Variants in MTMR12 observed in about 807,000 individuals in gnomAD.
MTMR12 encodes myotubularin-related protein 12.
Under a neutral mutation model 96.7 loss-of-function variants are expected in MTMR12, and 33 were observed. The ratio of observed to expected loss-of-function variants is 0.34; its 90% CI spans 0.26 to 0.46. MTMR12 has a LOEUF of 0.46. MTMR12 is among the 20% of genes least tolerant of loss of function. The pLI is 1.00. For missense variants in MTMR12, 721 were observed against 896.1 expected, an observed-to-expected ratio of 0.80 and a Z score of 2.49; for synonymous variants, 298 against 327.2, an observed-to-expected ratio of 0.91 and a Z score of 0.96.
intron 12 of MTMR12, among the ~76,000 whole-genome samples, chr5:32,240,398 CAAAA>C (rs72026064): frequency 6.0e-5 from 6 of 100,056 alleles, no homozygotes; most frequent in Admixed American, 2.1e-4. Flanking sequence ...GACTCCGTCT[CAAAA>C]AAAAAAAAAA....
chr5:32,238,895 C>A, intron 13 of MTMR12, 106 bp downstream of exon 13: 1 of 1,274,898 alleles, frequency 7.8e-7, no homozygotes, highest in Non-Finnish European at 1.0e-6. Context: ...ACCTGTTTGG[C>A]TTACACTTTG....
chr5:32,289,538 G>C (rs886567579), intron 1 of MTMR12, among the ~76,000 whole-genome samples: 4 of 152,300 alleles, frequency 2.6e-5, no homozygotes, highest in Middle Eastern at 3.4e-3. Flanking sequence ...CAGACATTTG[G>C]ACTAATGGAC....
At chr5:32,311,297 AC>A (rs924065738) in intron 1 of MTMR12, among the ~76,000 whole-genome samples, 1 of 152,240 alleles carries the variant, frequency 6.6e-6, no homozygotes, top group African/African-American at 2.4e-5. Context: ...GCCCGCTGAA[AC>A]TTTAAGATGA....
chr5:32,232,595 G>A (rs1748040921), intron 15 of MTMR12, among the ~76,000 whole-genome samples: 1 of 152,220 alleles, frequency 6.6e-6, no homozygotes, highest in East Asian at 1.9e-4. Flanking sequence ...TTTCTCTGGT[G>A]CCAATCCAGC....
In MTMR12 at chr5:32,300,016, G is replaced by A. The variant is rs76015094; in HGVS notation, c.81+12742C>T. ...TTGCTCTGTGCCCCCAGAGCACTTGGGCATGCCTCCCTCATAAGTAGGCAG... is the reference window on the plus strand; with the variant it reads ...TTGCTCTGTGCCCCCAGAGCACTTGAGCATGCCTCCCTCATAAGTAGGCAG... On this transcript the variant is annotated intron_variant, in intron 1 of 15. Transcript: ENST00000382142. Among the ~76,000 whole-genome samples, 8 of 152,250 alleles carry A rather than the reference G, an allele frequency of 5.3e-5. No homozygotes were observed. The East Asian group carries it at 1.5e-3, about 29-fold the overall frequency.
chr5:32,275,896 T>C (rs530292786), intron 2 of MTMR12, among the ~76,000 whole-genome samples: 6 of 152,140 alleles, frequency 3.9e-5, no homozygotes, highest in Non-Finnish European at 8.8e-5. Context: ...AGTCAGAAAC[T>C]TGCACAGATT....
chr5:32,271,217 A>G (rs988242506), intron 4 of MTMR12, among the ~76,000 whole-genome samples: 9 of 152,186 alleles, frequency 5.9e-5, no homozygotes, highest in African/African-American at 2.2e-4. Context: ...CAGTGGCCCA[A>G]AGAAAACCCA....
intron 15 of MTMR12, among the ~76,000 whole-genome samples, chr5:32,231,981 G>C (rs1161522038): frequency 1.3e-5 from 2 of 152,238 alleles, no homozygotes; most frequent in Non-Finnish European, 2.9e-5. Context: ...CAGTGCCAAA[G>C]GTGGTTCAAA....
chr5:32,279,604 A>G (rs1425180964), intron 1 of MTMR12, among the ~76,000 whole-genome samples: 1 of 152,220 alleles, frequency 6.6e-6, no homozygotes, highest in Admixed American at 6.5e-5. Context: ...AACAAATAAG[A>G]AAAATTCCGT....
chr5:32,280,316 T>C (rs1368552080), intron 1 of MTMR12, among the ~76,000 whole-genome samples: 1 of 152,192 alleles, frequency 6.6e-6, no homozygotes, highest in African/African-American at 2.4e-5. Context: ...TCAGATTAAT[T>C]TTATCCAGCC....
intron 1 of MTMR12, among the ~76,000 whole-genome samples, chr5:32,308,055 G>A (rs774281476): frequency 6.6e-6 from 1 of 152,240 alleles, no homozygotes; most frequent in Non-Finnish European, 1.5e-5. Flanking sequence ...TGGGTGGGGT[G>A]GCTCACGCCT....
At chr5:32,296,854 G>A (rs1156817768) in intron 1 of MTMR12, among the ~76,000 whole-genome samples, 5 of 149,788 alleles carry the variant, frequency 3.3e-5, no homozygotes, top group Non-Finnish European at 5.9e-5. Flanking sequence ...TGTAATCCCA[G>A]CACTTTGGGA....
chr5:32,255,612 CCAAGGGCTTT>C, intron 8 of MTMR12, 71 bp downstream of exon 8: 1 of 1,310,136 alleles, frequency 7.6e-7, no homozygotes, highest in Non-Finnish European at 1.0e-6. Flanking sequence ...AGAACAAAAG[CCAAGGGCTTT>C]CAGTAGGATC....
At chr5:32,240,856 C>A (rs1748439967) in intron 12 of MTMR12, among the ~76,000 whole-genome samples, 1 of 152,182 alleles carries the variant, frequency 6.6e-6, no homozygotes, top group African/African-American at 2.4e-5. Context: ...CTGCCTTGGC[C>A]TCCCAAAATT....
At position 32,243,633 on chromosome 5, in the gene MTMR12, C is replaced by A; in HGVS notation, c.1022-34G>T. On this transcript the variant is annotated intron_variant, in intron 10 of 15. Transcript: ENST00000382142. The stretch of plus-strand genomic sequence containing the variant: ...AGAAAAAGGAGTAAAGACGTCAGGT[C>A]ATTGTTCACTGACATACTTGCCACA... The A allele has an allele frequency of 2.2e-6, 3 of 1,374,146 alleles. No individual in the cohort carries two copies. In the South Asian group the frequency reaches 3.5e-5, roughly 16 times the overall value. The allele number at this position is 1,374,146 out of a possible 1,614,324, so 85.1% of individuals were successfully genotyped here.
Position 32,256,632 on chromosome 5 carries a change from A to G in MTMR12, c.714-864T>C, listed in dbSNP as rs567158429. Among the ~76,000 whole-genome samples the G allele has an allele frequency of 3.9e-5, 6 of 152,372 alleles. No homozygotes were observed. The East Asian group carries it at 7.7e-4, about 20-fold the overall frequency. ...CCTAAGTTTCTATCACTGTGAAGCTATAAGAATCTGTAAGCATCTTTCCCT... is the reference window on the plus strand; with the variant it reads ...CCTAAGTTTCTATCACTGTGAAGCTGTAAGAATCTGTAAGCATCTTTCCCT... On this transcript the variant is annotated intron_variant, in intron 7 of 15. Coordinates refer to ENST00000382142, the MANE Select transcript of MTMR12 (RefSeq NM_001040446.3).
At chr5:32,307,353 C>T (rs370764360) in intron 1 of MTMR12, among the ~76,000 whole-genome samples, 6 of 152,212 alleles carry the variant, frequency 3.9e-5, no homozygotes, top group African/African-American at 7.2e-5. Context: ...GCAGGTCCCC[C>T]GACAGAGGCA....
intron 1 of MTMR12, among the ~76,000 whole-genome samples, chr5:32,299,101 A>G (rs572523146): frequency 6.6e-6 from 1 of 152,184 alleles, no homozygotes; most frequent in African/African-American, 2.4e-5. Flanking sequence ...ACACACACAC[A>G]TACCTGCAGC....
At chr5:32,258,112 G>A (rs553000813) in intron 7 of MTMR12, among the ~76,000 whole-genome samples, 14 of 151,524 alleles carry the variant, frequency 9.2e-5, no homozygotes, top group African/African-American at 3.2e-4. Flanking sequence ...GGGTGACACA[G>A]TGAGACCCTG....
Sources: gnomAD v4.1 joint callset for allele counts (sites outside exome capture counted in the v4.1 genomes callset) on GRCh38, gnomAD v4.1.1 for gene constraint, MANE v1.5 for transcripts, NCBI Gene and HGNC (gene_info 2026-07-23, HGNC 2026-07-21) for gene names.